Variants in ASF1B observed in about 807,000 individuals in gnomAD.
ASF1B encodes the protein anti-silencing function 1B histone chaperone.
A neutral mutation model predicts 16.6 loss-of-function variants in ASF1B; 10 were observed. The ratio of observed to expected loss-of-function variants is 0.60; its 90% CI spans 0.37 to 1.02. The LOEUF (loss-of-function observed/expected upper bound fraction) is 1.02. Among genes scored for constraint, ASF1B ranks in the 50% least tolerant of loss-of-function variants. The probability of loss-of-function intolerance (pLI) is 0.01; values close to 1 mark genes in which losing one functional copy is unlikely to be tolerated. For synonymous variants in ASF1B, 101 were observed against 106.2 expected, an observed-to-expected ratio of 0.95 and a Z score of 0.30; for missense variants, 240 against 266.0, an observed-to-expected ratio of 0.90 and a Z score of 0.68.
In ASF1B at chr19:14,120,469, TC is replaced by T; in HGVS notation, c.598del (p.Asp200ThrfsTer47). On this transcript the variant is annotated frameshift_variant, in exon 4 of 4. Coordinates refer to ENST00000263382, the MANE Select transcript of ASF1B (RefSeq NM_018154.3). LOFTEE classifies it high-confidence loss of function. ...TCTGGGTTCCTGCAGTTAGATGCAGTCCATGGAGTTCTCAGGGAGGAGGCCA... is the reference window on the plus strand; with the variant it reads ...TCTGGGTTCCTGCAGTTAGATGCAGTCATGGAGTTCTCAGGGAGGAGGCCA... ...IPGLLPENSM[D>X]CI 1 of 1,612,642 alleles carries T rather than the reference TC, an allele frequency of 6.2e-7. No homozygotes were observed. The highest frequency in any genetic ancestry group is 8.5e-7 in the Non-Finnish European group (1 of 1,179,376).
chr19:14,123,034 C>G lies in ASF1B; in HGVS notation c.226-1326G>C, dbSNP rs1052851721. Among the ~76,000 whole-genome samples, 8 of 152,328 alleles carry G rather than the reference C, an allele frequency of 5.3e-5. No individual in the cohort carries two copies. The South Asian group carries it at 1.2e-3, about 24-fold the overall frequency. The stretch of plus-strand genomic sequence containing the variant: ...CAGATTCAGGGTGTACTACTGCAAA[C>G]AAGACCAGCCACGTAATTGGTGCAA... On this transcript the variant is annotated intron_variant, in intron 2 of 3. Transcript: ENST00000263382.
chr19:14,129,209 G>A (rs1224790568), intron 1 of ASF1B, among the ~76,000 whole-genome samples: 3 of 151,928 alleles, frequency 2.0e-5, no homozygotes, highest in African/African-American at 4.8e-5. Context: ...AGCCATGATC[G>A]AGCCACTGCA....
At chr19:14,123,508 T>C (rs1967272116) in intron 2 of ASF1B, among the ~76,000 whole-genome samples, 2 of 150,566 alleles carry the variant, frequency 1.3e-5, no homozygotes, top group South Asian at 4.2e-4. Flanking sequence ...GCCTCCTGAG[T>C]AGCTGAGACT....
intron 1 of ASF1B, among the ~76,000 whole-genome samples, chr19:14,126,696 T>G (rs1967323719): frequency 6.6e-6 from 1 of 152,180 alleles, no homozygotes; most frequent in African/African-American, 2.4e-5. Flanking sequence ...GGTTTAGAAC[T>G]CCTGACCTCA....
Position 14,136,506 on chromosome 19 carries a change from G to A in ASF1B, c.-50C>T, listed in dbSNP as rs745566942. ...AGGGGCAGGGGCTGTGGCTGTGGCGGAGGCCGCGCCTGGGTCCGGTGGGGT... is the reference window on the plus strand; with the variant it reads ...AGGGGCAGGGGCTGTGGCTGTGGCGAAGGCCGCGCCTGGGTCCGGTGGGGT... On this transcript the variant is annotated 5_prime_UTR_variant, in exon 1 of 4. Transcript: ENST00000263382. The A allele has an allele frequency of 1.3e-6, 2 of 1,567,390 alleles. No homozygotes were observed. Among genetic ancestry groups the A allele is most frequent in the Admixed American group, 1.7e-5 (1 of 57,218 alleles).
intron 1 of ASF1B, among the ~76,000 whole-genome samples, chr19:14,133,192 C>T (rs1443938281): frequency 6.6e-6 from 1 of 152,066 alleles, no homozygotes; most frequent in African/African-American, 2.4e-5. Context: ...TTTTGAGTGT[C>T]CTGATTAGGC....
rs1045274895 is a variant in ASF1B, at chr19:14,136,463, G to A, written c.-7C>T. On this transcript the variant is annotated 5_prime_UTR_variant, in exon 1 of 4. Transcript: ENST00000263382. ...GCACCGACACCTTGGCCATCGCCTC[G>A]CCTCGCCGCGCCGCAGCAGGGGCAG... The A allele has an allele frequency of 6.2e-7, 1 of 1,611,314 alleles. No individual in the cohort carries two copies. The highest frequency in any genetic ancestry group is 8.5e-7 in the Non-Finnish European group (1 of 1,178,334).
intron 1 of ASF1B, among the ~76,000 whole-genome samples, chr19:14,127,523 G>A (rs940168594): frequency 6.6e-6 from 1 of 152,196 alleles, no homozygotes; most frequent in Non-Finnish European, 1.5e-5. Flanking sequence ...GGAGGGGGAA[G>A]GTGAGGTTGC....
chr19:14,134,052 C>T (rs1199580836), intron 1 of ASF1B, among the ~76,000 whole-genome samples: 2 of 152,036 alleles, frequency 1.3e-5, no homozygotes, highest in African/African-American at 4.8e-5. Flanking sequence ...GATCCGCCCG[C>T]CTCGGCCTCC....
At chr19:14,121,482 A>G (rs770442546) in intron 3 of ASF1B, 50 bp downstream of exon 3, 66 of 1,578,594 alleles carry the variant, frequency 4.2e-5, no homozygotes, top group Non-Finnish European at 5.6e-5. Context: ...AACTCCCCCC[A>G]AGTATAAAGA....
rs1568542514 is a variant in ASF1B, at chr19:14,120,415, T to G, written c.*44A>C. The G allele has an allele frequency of 6.3e-7, 1 of 1,595,878 alleles. No homozygotes were observed. The highest frequency in any genetic ancestry group is 8.6e-7 in the Non-Finnish European group (1 of 1,168,058). On this transcript the variant is annotated 3_prime_UTR_variant, in exon 4 of 4. Transcript: ENST00000263382. ...GCCCTGCAGGACTCGCTGGGAGGCC[T>G]GGTTGCCCCTCCCGGCGTGCTGGGA...
Position 14,120,552 on chromosome 19 carries a change from G to A in ASF1B, c.516C>T (p.Cys172=), listed in dbSNP as rs780722232. The A allele has an allele frequency of 1.1e-5, 18 of 1,613,258 alleles. No individual in the cohort carries two copies. Among genetic ancestry groups the A allele is most frequent in the South Asian group, 3.3e-5 (3 of 91,028 alleles). ...TAGGAGTGCAGTTGAGTGGGAGGCC[G>A]CAGCCCAGGGAGGGGTCCTGGGTCT... ...AIETQDPSLG[C]GLPLNCTPIK... The change falls in exon 4 of 4, where the codon TGC becomes TGT. Residue 172 remains cysteine (C), a synonymous_variant. Coordinates refer to ENST00000263382, the MANE Select transcript of ASF1B (RefSeq NM_018154.3).
chr19:14,124,880 C>A (rs532163781), intron 2 of ASF1B, among the ~76,000 whole-genome samples: 1 of 152,138 alleles, frequency 6.6e-6, no homozygotes, highest in South Asian at 2.1e-4. Context: ...GGAAAATATG[C>A]GTATTAGAGA....
At chr19:14,131,432 C>T (rs1239012985) in intron 1 of ASF1B, among the ~76,000 whole-genome samples, 6 of 151,030 alleles carry the variant, frequency 4.0e-5, no homozygotes, top group Admixed American at 3.3e-4. Flanking sequence ...CCATCCGCCT[C>T]GGCCTCCCAA....
At chr19:14,127,730 G>A (rs1033697908) in intron 1 of ASF1B, among the ~76,000 whole-genome samples, 4 of 150,432 alleles carry the variant, frequency 2.7e-5, no homozygotes, top group African/African-American at 4.9e-5. Context: ...TCTGCCTCCC[G>A]GGTTCAAGTG....
chr19:14,122,249 T>C (rs1372245819), intron 2 of ASF1B, among the ~76,000 whole-genome samples: 1 of 151,694 alleles, frequency 6.6e-6, no homozygotes, highest in Non-Finnish European at 1.5e-5. Flanking sequence ...GTATTTTTAG[T>C]ACAGACGGGA....
intron 1 of ASF1B, among the ~76,000 whole-genome samples, chr19:14,134,155 T>G (rs957955443): frequency 6.6e-6 from 1 of 152,118 alleles, no homozygotes; most frequent in Non-Finnish European, 1.5e-5. Context: ...AAACCTGATC[T>G]CCTGCCGTCG....
At chr19:14,122,738 G>A (rs1453598541) in intron 2 of ASF1B, among the ~76,000 whole-genome samples, 4 of 152,156 alleles carry the variant, frequency 2.6e-5, no homozygotes, top group South Asian at 2.1e-4. Flanking sequence ...GGAGAGGTGC[G>A]TGGTACTCTG....
chr19:14,125,033 C>A (rs1967297199), intron 2 of ASF1B, among the ~76,000 whole-genome samples: 1 of 152,172 alleles, frequency 6.6e-6, no homozygotes, highest in Non-Finnish European at 1.5e-5. Flanking sequence ...CTGGTGCGAT[C>A]TCAGCTCACT....
Sources: gnomAD v4.1 joint callset for allele counts (sites outside exome capture counted in the v4.1 genomes callset) on GRCh38, gnomAD v4.1.1 for gene constraint, MANE v1.5 for transcripts, NCBI Gene and HGNC (gene_info 2026-07-23, HGNC 2026-07-21) for gene names.